Variants in GAK observed in about 807,000 individuals in gnomAD.
The protein encoded by GAK is cyclin G associated kinase, also known as cyclin-G-associated kinase.
GAK carries 79 observed loss-of-function variants against 143.9 expected under a neutral mutation model. That is an observed-to-expected ratio of 0.55 (90% CI 0.46 to 0.66). The LOEUF (loss-of-function observed/expected upper bound fraction) is 0.66. Among genes scored for constraint, GAK ranks in the 30% least tolerant of loss-of-function variants. The probability of loss-of-function intolerance (pLI) is 0.00; values close to 1 mark genes in which losing one functional copy is unlikely to be tolerated. For synonymous variants in GAK, 881 were observed against 765.5 expected, an observed-to-expected ratio of 1.15 and a Z score of -2.49; for missense variants, 1,693 against 1,779.7, an observed-to-expected ratio of 0.95 and a Z score of 0.88.
rs1459248339 is a variant in GAK at position 867,125 on chromosome 4, G to C, written c.2703C>G (p.Cys901Trp). 1.3e-6 allele frequency: 2 copies of C among 1,581,798 alleles called. No homozygotes were observed. The highest frequency in any genetic ancestry group is 2.7e-5 in the African/African-American group (2 of 74,292). Residue 901 changes from cysteine to tryptophan, a missense_variant, in exon 21 of 28, where the codon TGC becomes TGG. Transcript: ENST00000314167. ...GGTCGGTGTTGCTGGAGGGGGCCTTGCAGGCCTGCGGGGGTACAGCTGGCC... is the reference window on the plus strand; with the variant it reads ...GGTCGGTGTTGCTGGAGGGGGCCTTCCAGGCCTGCGGGGGTACAGCTGGCC... ...GAGPAVPPQA[C>W]KAPSSNTDLL...
intron 23 of GAK, among the ~76,000 whole-genome samples, chr4:862,657 CAAAAAA>C (rs34817637): frequency 8.1e-6 from 1 of 123,682 alleles, no homozygotes; most frequent in Non-Finnish European, 1.7e-5. Context: ...GACTCTGTCT[CAAAAAA>C]AAAAAAAAGG....
intron 24 of GAK, chr4:859,346 A>G (rs1192290587): frequency 7.0e-7 from 1 of 1,425,136 alleles, no homozygotes. Context: ...CCCTGAGGAC[A>G]GGATGGATCA....
chr4:910,643 A>T (rs1721883404), intron 4 of GAK, among the ~76,000 whole-genome samples: 2 of 152,030 alleles, frequency 1.3e-5, no homozygotes, highest in Non-Finnish European at 2.9e-5. Context: ...TGTGGACGAC[A>T]GATCTCACGC....
In GAK at chr4:881,900, G is replaced by T. The variant is rs1367140667; in HGVS notation, c.1661+7C>A. ...CTGTCCCCTGTCCCCGGAGGGCCAC[G>T]CAGTACCTTTTGTGGGATGGCCAGA... is the stretch of plus-strand genomic sequence containing the variant. On this transcript the variant is annotated splice_region_variant and intron_variant, in intron 15 of 27. Coordinates refer to ENST00000314167, the MANE Select transcript of GAK (RefSeq NM_005255.4). 6.3e-7 allele frequency: 1 copy of T among 1,579,522 alleles called. No individual in the cohort carries two copies. Among genetic ancestry groups the T allele is most frequent in the African/African-American group, 1.3e-5 (1 of 74,520 alleles).
chr4:907,981 C>T (rs1296463822), intron 4 of GAK, among the ~76,000 whole-genome samples: 2 of 152,238 alleles, frequency 1.3e-5, no homozygotes, highest in Non-Finnish European at 2.9e-5. Flanking sequence ...GCCGCTGGCC[C>T]CGGCCCTGTC....
intron 1 of GAK, among the ~76,000 whole-genome samples, chr4:922,754 C>G (rs1192911324): frequency 6.6e-6 from 1 of 152,178 alleles, no homozygotes; most frequent in Non-Finnish European, 1.5e-5. Flanking sequence ...AGTTTTCTAA[C>G]AAACTAAACA....
intron 9 of GAK, among the ~76,000 whole-genome samples, chr4:890,833 C>A (rs1717496008): frequency 6.6e-6 from 1 of 152,232 alleles, no homozygotes; most frequent in Non-Finnish European, 1.5e-5. Flanking sequence ...CCGCGGCCTG[C>A]CTCGCTTGGG....
chr4:928,070 T>C (rs1725132213), intron 1 of GAK, among the ~76,000 whole-genome samples: 2 of 152,294 alleles, frequency 1.3e-5, no homozygotes, highest in South Asian at 4.1e-4. Flanking sequence ...GGGTCTACTT[T>C]TTTTTGAGAT....
At position 851,759 on chromosome 4, in the gene GAK, G is replaced by A. The variant is rs1259329718; in HGVS notation, c.3499C>T (p.Pro1167Ser). 2.5e-6 allele frequency: 4 copies of A among 1,613,202 alleles called. No individual in the cohort carries two copies. Among genetic ancestry groups the A allele is most frequent in the African/African-American group, 2.7e-5 (2 of 74,942 alleles). Residue 1167 changes from proline to serine, a missense_variant, in exon 25 of 28, where the codon CCC becomes TCC. Physicochemically the swap from Pro to Ser is moderately conservative, Grantham distance 74. Transcript: ENST00000314167. ...GAREERGVRAPSFAQKPKVSE... is the reference protein window; with the variant it reads ...GAREERGVRASSFAQKPKVSE... ...AGAGTGGGGGACTCACCAAAGCTGG[G>A]TGCGCGGACCCCCCGCTCCTCCCGC...
intron 3 of GAK, chr4:912,077 C>A (rs2152936404): frequency 2.1e-6 from 1 of 472,836 alleles, no homozygotes; most frequent in Non-Finnish European, 4.2e-6. Context: ...CAGGAGGAGG[C>A]AGGGCCCTCA....
At chr4:889,686 C>T (rs1415549111) in intron 10 of GAK, among the ~76,000 whole-genome samples, 1 of 152,346 alleles carries the variant, frequency 6.6e-6, no homozygotes, top group South Asian at 2.1e-4. Flanking sequence ...CCAGGTGAAA[C>T]CTCCCACACC....
intron 1 of GAK, among the ~76,000 whole-genome samples, chr4:922,786 A>T (rs1362156605): frequency 6.6e-6 from 1 of 152,268 alleles, no homozygotes; most frequent in East Asian, 1.9e-4. Flanking sequence ...CACATGAACC[A>T]GCAACTGCAC....
chr4:912,441 C>T, intron 3 of GAK: 1 of 408,260 alleles, frequency 2.4e-6, no homozygotes, highest in Admixed American at 3.6e-5. Context: ...CGGGCAAGGG[C>T]CCCCTGTGGT....
At position 852,125 on chromosome 4, in the gene GAK, C is replaced by T. The variant is rs1748271808; in HGVS notation, c.3284-151G>A. 7.0e-6 allele frequency: 5 copies of T among 711,392 alleles called. No individual in the cohort carries two copies. The East Asian group carries it at 8.1e-5, about 11-fold the overall frequency. 44.1% of individuals were successfully genotyped at this position (711,392 alleles called of 1,614,324 possible). On this transcript the variant is annotated intron_variant, in intron 24 of 27. Coordinates refer to ENST00000314167, the MANE Select transcript of GAK (RefSeq NM_005255.4). The stretch of plus-strand genomic sequence containing the variant: ...AGGCCGTCCAGAGGTGCCGGCTCCA[C>T]CCACACGTGTGAAGGTCTCCAGGGG...
In GAK at chr4:857,894, C is replaced by T. The variant is rs938200813; in HGVS notation, c.3283+1712G>A. Among the ~76,000 whole-genome samples the T allele has an allele frequency of 7.9e-5, 12 of 152,342 alleles. No homozygotes were observed. The Middle Eastern group carries it at 0.01, about 130-fold the overall frequency. ...TTTCCACAGCAAGCCCCCACGGCTG[C>T]GGGTGTCTCCACACTGCCTGATGGG... On this transcript the variant is annotated intron_variant, in intron 24 of 27. Transcript: ENST00000314167.
chr4:895,650 T>C (rs974195713), intron 7 of GAK, among the ~76,000 whole-genome samples: 1 of 152,248 alleles, frequency 6.6e-6, no homozygotes, highest in African/African-American at 2.4e-5. Flanking sequence ...GGTGGCTGAA[T>C]GACGGGGTAA....
In GAK at chr4:866,439, C is replaced by A; in HGVS notation, c.2968G>T (p.Val990Leu). Residue 990 changes from valine to leucine, a missense_variant, in exon 22 of 28, where the codon GTG becomes TTG. Around this residue, in one of 2 missense-constraint regions of GAK, gnomAD observed 822 missense variants for 788.7 expected, o/e 1.04. Transcript: ENST00000314167. The stretch of plus-strand genomic sequence containing the variant: ...GACGGGAAGGATGGTGGGACGGTCA[C>A]AGAGTCCGAATTGAGAAATTCGCCG... Reference protein sequence around the residue: ...LFGEFLNSDSVTVPPSFPSAH... With the variant: ...LFGEFLNSDSLTVPPSFPSAH... The A allele has an allele frequency of 6.2e-7, 1 of 1,614,156 alleles. No individual in the cohort carries two copies. Among genetic ancestry groups the A allele is most frequent in the Non-Finnish European group, 8.5e-7 (1 of 1,179,994 alleles).
At chr4:900,629 TC>T (rs1560397225) in intron 5 of GAK, among the ~76,000 whole-genome samples, 1 of 151,936 alleles carries the variant, frequency 6.6e-6, no homozygotes, top group African/African-American at 2.4e-5. Flanking sequence ...AACAGCACCT[TC>T]CACGGGCAGG....
At chr4:923,171 C>T (rs1009646056) in intron 1 of GAK, among the ~76,000 whole-genome samples, 7 of 152,146 alleles carry the variant, frequency 4.6e-5, no homozygotes, top group African/African-American at 1.7e-4. Context: ...GCATCCCGAC[C>T]GTCACCACTG....
Sources: gnomAD v4.1 joint callset for allele counts (sites outside exome capture counted in the v4.1 genomes callset) on GRCh38, gnomAD v4.1.1 for gene constraint, gnomAD v4.1.1 regional missense constraint, MANE v1.5 for transcripts, NCBI Gene and HGNC (gene_info 2026-07-23, HGNC 2026-07-21) for gene names.